Variants in IARS2 observed in about 807,000 individuals in gnomAD.
IARS2 encodes the protein isoleucyl-tRNA synthetase 2, mitochondrial, also known as isoleucine--tRNA ligase, mitochondrial.
In IARS2, 56 loss-of-function variants were observed where a neutral mutation model predicts 126.3. The observed-to-expected ratio is 0.44, with a 90% CI of 0.36 to 0.55. The LOEUF is 0.55. Among genes scored for constraint, IARS2 ranks in the 20% least tolerant of loss-of-function variants. The pLI is 0.00. For synonymous variants in IARS2, 407 were observed against 441.1 expected (o/e 0.92, Z 0.97); for missense variants, 1,127 against 1,245.9 (o/e 0.90, Z 1.44).
intron 10 of IARS2, among the ~76,000 whole-genome samples, chr1:220,108,158 T>C (rs371714338): frequency 3.3e-5 from 5 of 151,922 alleles, no homozygotes; most frequent in African/African-American, 1.2e-4. Flanking sequence ...CCTCCTGGGT[T>C]CAAGCAATTC....
At position 220,147,674 on chromosome 1, in the gene IARS2, A is replaced by G; in HGVS notation, c.*39A>G. 2 of 1,604,652 alleles carry G rather than the reference A, an allele frequency of 1.2e-6. No homozygotes were observed. Among genetic ancestry groups the G allele is most frequent in the Non-Finnish European group, 1.7e-6 (2 of 1,174,064 alleles). On this transcript the variant is annotated 3_prime_UTR_variant, in exon 23 of 23. Coordinates refer to ENST00000366922, the MANE Select transcript of IARS2 (RefSeq NM_018060.4). ...CTCGAGCAAGAACCCTCCTGACAGT[A>G]CTGGCTAGAAGTTTGGATGGATTAT...
chr1:220,142,566 TGTTA>T (rs1487961360), intron 20 of IARS2, among the ~76,000 whole-genome samples: 11 of 152,200 alleles, frequency 7.2e-5, no homozygotes, highest in Admixed American at 7.2e-4. Context: ...GTGAGTTTTA[TGTTA>T]GTTGTTTTCT....
intron 14 of IARS2, among the ~76,000 whole-genome samples, chr1:220,130,441 C>T (rs764070063): frequency 7.2e-5 from 11 of 152,158 alleles, no homozygotes; most frequent in Non-Finnish European, 1.5e-4. Flanking sequence ...TTGCCTAGAC[C>T]GATGTCCTGG....
At chr1:220,097,135 A>G (rs570510720) in intron 2 of IARS2, among the ~76,000 whole-genome samples, 1 of 152,188 alleles carries the variant, frequency 6.6e-6, no homozygotes, top group African/African-American at 2.4e-5. Context: ...AAGAGCCAAC[A>G]TTAACTGGAT....
Position 220,134,501 on chromosome 1 carries a change from C to T in IARS2, c.1937C>T (p.Ala646Val). ...ACAAGTGTGGCAGCAAGGAAGAGAG[C>T]ACCTTATAAGTAAGTATTTATGCCT... is the stretch of plus-strand genomic sequence containing the variant. ...LLTSVAARKR[A>V]PYKTVIVHGF... The change falls in exon 15 of 23, where the codon GCA becomes GTA. Residue 646 changes from alanine to valine, a missense_variant. Physicochemically the swap from Ala to Val is moderately conservative, Grantham distance 64 (BLOSUM62 0). Transcript: ENST00000366922. The T allele has an allele frequency of 1.2e-6, 2 of 1,608,914 alleles. No individual in the cohort carries two copies. The highest frequency in any genetic ancestry group is 1.7e-6 in the Non-Finnish European group (2 of 1,176,828).
chr1:220,147,387 C>T, intron 22 of IARS2, 106 bp from the exon 23 acceptor site: 1 of 1,061,710 alleles, frequency 9.4e-7, no homozygotes, highest in Admixed American at 2.1e-5. Flanking sequence ...CAAGCTTTAC[C>T]AAGGCAGGAC....
chr1:220,107,154 G>T lies in IARS2; in HGVS notation c.1327+3G>T. 1 of 1,594,860 alleles carries T rather than the reference G, an allele frequency of 6.3e-7. No individual in the cohort carries two copies. Among genetic ancestry groups the T allele is most frequent in the South Asian group, 1.1e-5 (1 of 90,662 alleles). On this transcript the variant is annotated splice_donor_region_variant and intron_variant, in intron 10 of 22. Coordinates refer to ENST00000366922, the MANE Select transcript of IARS2 (RefSeq NM_018060.4). Reference sequence around the variant, plus strand: ...CCTTGAAGAGGGAACTGATGTGGGTGAGCATCATATCTGTTGATATCATAC... The same window carrying T: ...CCTTGAAGAGGGAACTGATGTGGGTTAGCATCATATCTGTTGATATCATAC...
In IARS2 at chr1:220,136,748, A is replaced by G. The variant is rs1657385314; in HGVS notation, c.1947-61A>G. 4.6e-5 allele frequency: 39 copies of G among 843,284 alleles called. No homozygotes were observed. The South Asian group carries it at 5.9e-4, about 13-fold the overall frequency. 52.2% of individuals were successfully genotyped at this position (843,284 alleles called of 1,614,324 possible). On this transcript the variant is annotated intron_variant, in intron 15 of 22. Transcript: ENST00000366922. ...TAGATACTCTTTTTAAGCTGTACCT[A>G]ATCTTCAAAAAGATAATTATAATTG...
chr1:220,146,548 C>CTTAGCAAAGG (rs147268699), intron 22 of IARS2, among the ~76,000 whole-genome samples: 10,956 of 141,004 alleles, frequency 0.078, 504 homozygotes, highest in South Asian at 0.15. Context: ...AAGCAGGTAT[C>CTTAGCAAAGG]TTATGCTGCT....
chr1:220,132,329 A>AT (rs1657286700), intron 14 of IARS2, among the ~76,000 whole-genome samples: 1 of 151,824 alleles, frequency 6.6e-6, no homozygotes, highest in Non-Finnish European at 1.5e-5. Flanking sequence ...TTGTTGGGAG[A>AT]TTTTTTGTTA....
intron 11 of IARS2, 144 bp from the exon 12 acceptor site, chr1:220,114,170 T>C (rs959595799): frequency 6.1e-6 from 4 of 659,170 alleles, no homozygotes; most frequent in Non-Finnish European, 1.1e-5. Context: ...TTTAGTTCTT[T>C]AGTTGTTTTT....
chr1:220,136,885 C>A lies in IARS2; in HGVS notation c.2023C>A (p.Pro675Thr). 6.2e-7 allele frequency: 1 copy of A among 1,608,378 alleles called. No homozygotes were observed. The highest frequency in any genetic ancestry group is 8.5e-7 in the Non-Finnish European group (1 of 1,175,772). Reference protein sequence around the residue: ...MSKSLGNVIHPDVVVNGGQDQ... With the variant: ...MSKSLGNVIHTDVVVNGGQDQ... ...CAAGTCTCTTGGGAATGTCATTCAT[C>A]CTGATGTTGTCGTTAATGGAGGACA... Residue 675 changes from proline to threonine, a missense_variant, in exon 16 of 23, where the codon CCT (proline) becomes ACT (threonine). Physicochemically the swap from Pro to Thr is conservative, Grantham distance 38 (BLOSUM62 -1). Coordinates refer to ENST00000366922, the MANE Select transcript of IARS2 (RefSeq NM_018060.4).
intron 14 of IARS2, among the ~76,000 whole-genome samples, chr1:220,127,891 AATT>A: frequency 7.3e-6 from 1 of 137,242 alleles, no homozygotes; most frequent in South Asian, 2.3e-4. Context: ...TGATTTTCAG[AATT>A]ATTATTTCAT....
rs367794415 is a variant in IARS2, at chr1:220,105,931, T to C, written c.1107T>C (p.Ile369=). The C allele has an allele frequency of 1.2e-6, 2 of 1,614,010 alleles. No individual in the cohort carries two copies. The highest frequency in any genetic ancestry group is 2.2e-5 in the East Asian group (1 of 44,886). ...LENGTCSHPL[I]PDKASPLLPA... Reference sequence around the variant, plus strand: ...ATGGTACTTGCAGTCATCCATTAATTCCTGATAAAGCCTCTCCTCTTTTAC... The same window carrying C: ...ATGGTACTTGCAGTCATCCATTAATCCCTGATAAAGCCTCTCCTCTTTTAC... The change falls in exon 9 of 23, where the codon ATT becomes ATC. Residue 369 remains isoleucine (I), a synonymous_variant. Coordinates refer to ENST00000366922, the MANE Select transcript of IARS2 (RefSeq NM_018060.4).
At position 220,106,918 on chromosome 1, in the gene IARS2, G is replaced by A. The variant is rs1210817193; in HGVS notation, c.1237-143G>A. The A allele has an allele frequency of 8.1e-6, 5 of 619,016 alleles. 1 individual carries two copies. The highest frequency in any genetic ancestry group is 1.4e-5 in the Non-Finnish European group (5 of 347,146). The allele number at this position is 619,016 out of a possible 1,614,324, so 38.3% of individuals were successfully genotyped here. On this transcript the variant is annotated intron_variant, in intron 9 of 22. Transcript: ENST00000366922. ...AAGTGCTGGGATTATAGGCCTGAGT[G>A]CCGCGCCCGGCCAAGTACCTAGAAT...
At chr1:220,130,715 G>A (rs564448233) in intron 14 of IARS2, among the ~76,000 whole-genome samples, 5 of 152,136 alleles carry the variant, frequency 3.3e-5, no homozygotes, top group East Asian at 3.9e-4. Context: ...CTGCCACCAC[G>A]CCTGGCTAAT....
At chr1:220,098,678 A>G (rs1007739978) in intron 2 of IARS2, among the ~76,000 whole-genome samples, 21 of 152,310 alleles carry the variant, frequency 1.4e-4, no homozygotes, top group Admixed American at 3.3e-4. Flanking sequence ...AAAGGAACAG[A>G]GATAAATGAC....
chr1:220,143,870 C>T, intron 21 of IARS2: 1 of 644,110 alleles, frequency 1.6e-6, no homozygotes. Flanking sequence ...TGATTTTTCT[C>T]CAGTCTAAAT....
Position 220,141,795 on chromosome 1 carries a change from T to A in IARS2, c.2415-8T>A. On this transcript the variant is annotated splice_polypyrimidine_tract_variant and splice_region_variant and intron_variant, in intron 19 of 22. Coordinates refer to ENST00000366922, the MANE Select transcript of IARS2 (RefSeq NM_018060.4). Reference sequence around the variant, plus strand: ...TTGTCAACTGCTGAATAAGTTGTTCTTGTTCAGGCTCTATTGTGAAAAGGA... The same window carrying A: ...TTGTCAACTGCTGAATAAGTTGTTCATGTTCAGGCTCTATTGTGAAAAGGA... The A allele has an allele frequency of 2.5e-6, 4 of 1,613,272 alleles. No individual in the cohort carries two copies. Among genetic ancestry groups the A allele is most frequent in the Non-Finnish European group, 3.4e-6 (4 of 1,179,672 alleles).
Sources: gnomAD v4.1 joint callset for allele counts (sites outside exome capture counted in the v4.1 genomes callset) on GRCh38, gnomAD v4.1.1 for gene constraint, MANE v1.5 for transcripts, NCBI Gene and HGNC (gene_info 2026-07-23, HGNC 2026-07-21) for gene names.